ARHGAP15: variants seen among roughly 807,000 people sequenced by gnomAD.
The protein encoded by ARHGAP15 is rho GTPase-activating protein 15.
ARHGAP15 carries 51 observed loss-of-function variants against 63.7 expected under a neutral mutation model. That is an observed-to-expected ratio of 0.80 (90% CI 0.64 to 1.01). The LOEUF (loss-of-function observed/expected upper bound fraction) is 1.01. ARHGAP15 is among the 50% of genes least tolerant of loss of function. The probability of loss-of-function intolerance (pLI) is 0.00; values close to 1 mark genes in which losing one functional copy is unlikely to be tolerated. For missense variants in ARHGAP15, 560 were observed against 564.6 expected (o/e 0.99, Z 0.08); for synonymous variants, 191 against 193.8 (o/e 0.99, Z 0.12).
At chr2:143,640,097 C>T (rs1284381851) in intron 12 of ARHGAP15, among the ~76,000 whole-genome samples, 2 of 152,012 alleles carry the variant, frequency 1.3e-5, no homozygotes, top group African/African-American at 2.4e-5. Context: ...TACAGACCAA[C>T]GAAAATATCG....
intron 2 of ARHGAP15, among the ~76,000 whole-genome samples, chr2:143,185,120 G>A (rs1691389967): frequency 6.6e-6 from 1 of 152,044 alleles, no homozygotes; most frequent in Admixed American, 6.6e-5. Flanking sequence ...TTTAATATAT[G>A]TAAAACAATT....
At chr2:143,468,902 ATGTC>A (rs978299692) in intron 8 of ARHGAP15, among the ~76,000 whole-genome samples, 14 of 152,286 alleles carry the variant, frequency 9.2e-5, no homozygotes, top group African/African-American at 3.4e-4. Context: ...AGTAGACACT[ATGTC>A]TGTCTCTCTA....
intron 10 of ARHGAP15, among the ~76,000 whole-genome samples, chr2:143,520,586 G>T (rs961352139): frequency 6.6e-6 from 1 of 152,170 alleles, no homozygotes; most frequent in African/African-American, 2.4e-5. Context: ...TGTGAGAAAT[G>T]AAGTCAATTG....
chr2:143,542,201 G>A (rs560451470), intron 10 of ARHGAP15, among the ~76,000 whole-genome samples: 2 of 152,328 alleles, frequency 1.3e-5, no homozygotes, highest in South Asian at 4.1e-4. Context: ...ATCTGCTGGT[G>A]TGTCGTTTGT....
intron 6 of ARHGAP15, among the ~76,000 whole-genome samples, chr2:143,293,327 A>G (rs1000394643): frequency 2.0e-5 from 3 of 152,092 alleles, no homozygotes; most frequent in Non-Finnish European, 1.5e-5. Context: ...GTCCTCATAC[A>G]TGCCAGGTGT....
chr2:143,563,795 T>A (rs1442451546), intron 11 of ARHGAP15: 3 of 152,220 alleles, frequency 2.0e-5, no homozygotes, highest in Non-Finnish European at 4.4e-5. Context: ...CACACCATGC[T>A]TGCTTCTGCT....
chr2:143,482,882 G>A (rs1183768097), intron 8 of ARHGAP15, among the ~76,000 whole-genome samples: 1 of 152,130 alleles, frequency 6.6e-6, no homozygotes, highest in Non-Finnish European at 1.5e-5. Context: ...ACTCTTCTTA[G>A]AACAAAATGA....
intron 13 of ARHGAP15, among the ~76,000 whole-genome samples, chr2:143,739,916 G>A (rs1048377852): frequency 1.3e-5 from 2 of 152,162 alleles, no homozygotes; most frequent in East Asian, 3.8e-4. Flanking sequence ...TTCATAGATT[G>A]TCATTTCCAT....
intron 6 of ARHGAP15, among the ~76,000 whole-genome samples, chr2:143,271,729 G>T (rs908215768): frequency 1.3e-5 from 2 of 152,182 alleles, no homozygotes; most frequent in East Asian, 3.9e-4. Flanking sequence ...GCCCGCCTTG[G>T]CCTCCCAAAG....
chr2:143,759,363 A>G (rs1341281633), intron 13 of ARHGAP15, among the ~76,000 whole-genome samples: 1 of 152,148 alleles, frequency 6.6e-6, no homozygotes, highest in Non-Finnish European at 1.5e-5. Flanking sequence ...TGATGAAGTG[A>G]TATATATTAC....
intron 13 of ARHGAP15, among the ~76,000 whole-genome samples, chr2:143,748,325 A>T (rs888516262): frequency 2.0e-5 from 3 of 152,200 alleles, no homozygotes; most frequent in African/African-American, 7.2e-5. Context: ...GTGGAAACAA[A>T]TGTCACCTGG....
At chr2:143,758,192 G>A (rs1296119318) in intron 13 of ARHGAP15, among the ~76,000 whole-genome samples, 3 of 151,698 alleles carry the variant, frequency 2.0e-5, no homozygotes, top group Non-Finnish European at 4.4e-5. Context: ...ATATAGTTAA[G>A]GGGGGAAAAG....
intron 6 of ARHGAP15, among the ~76,000 whole-genome samples, chr2:143,307,025 C>T (rs1316729455): frequency 6.6e-6 from 1 of 152,124 alleles, no homozygotes; most frequent in African/African-American, 2.4e-5. Flanking sequence ...TCCAAACTCA[C>T]TGGTGTTGGG....
intron 6 of ARHGAP15, among the ~76,000 whole-genome samples, chr2:143,335,553 A>G (rs1047116207): frequency 1.3e-5 from 2 of 152,172 alleles, no homozygotes; most frequent in Non-Finnish European, 2.9e-5. Flanking sequence ...TAAATATTAA[A>G]TGTTTAAATG....
chr2:143,616,175 T>C (rs1462460404), intron 11 of ARHGAP15, among the ~76,000 whole-genome samples: 1 of 152,214 alleles, frequency 6.6e-6, no homozygotes, highest in African/African-American at 2.4e-5. Context: ...GGTAGCATTA[T>C]GCATGGAGTT....
At chr2:143,448,356 A>G (rs1429596174) in intron 8 of ARHGAP15, among the ~76,000 whole-genome samples, 1 of 152,054 alleles carries the variant, frequency 6.6e-6, no homozygotes, top group African/African-American at 2.4e-5. Context: ...ACATGAACAG[A>G]TTTGATTTTT....
At chr2:143,185,609 C>A (rs759416077) in intron 2 of ARHGAP15, among the ~76,000 whole-genome samples, 1 of 152,096 alleles carries the variant, frequency 6.6e-6, no homozygotes, top group African/African-American at 2.4e-5. Context: ...AATAGAGATC[C>A]TCATTCCCGA....
intron 6 of ARHGAP15, among the ~76,000 whole-genome samples, chr2:143,322,139 G>A (rs1459331010): frequency 6.6e-6 from 1 of 151,990 alleles, no homozygotes; most frequent in Admixed American, 6.6e-5. Context: ...CAGTTCCAAT[G>A]AGGCCGCTCA....
chr2:143,717,984 G>C (rs903972266), intron 13 of ARHGAP15, among the ~76,000 whole-genome samples: 4 of 152,068 alleles, frequency 2.6e-5, no homozygotes, highest in African/African-American at 9.7e-5. Flanking sequence ...ACAAGGTGCT[G>C]ACAAGTCCGG....
Sources: allele counts gnomAD v4.1 joint callset (sites outside exome capture counted in the v4.1 genomes callset), GRCh38; gene constraint gnomAD v4.1.1; transcripts MANE v1.5; gene names NCBI Gene and HGNC (gene_info 2026-07-23, HGNC 2026-07-21).